DNAJC5B: variants seen among roughly 807,000 people sequenced by gnomAD.
The protein encoded by DNAJC5B is DnaJ heat shock protein family (Hsp40) member C5 beta.
In DNAJC5B, 23 loss-of-function variants were observed where a neutral mutation model predicts 24.7. That is an observed-to-expected ratio of 0.93 (90% CI 0.67 to 1.32). DNAJC5B has a LOEUF of 1.32. Among genes scored for constraint, DNAJC5B ranks in the 40% most tolerant of loss-of-function variants. DNAJC5B has a pLI of 0.00. For missense variants in DNAJC5B, 238 were observed against 240.8 expected, an observed-to-expected ratio of 0.99 and a Z score of 0.08; for synonymous variants, 101 against 90.1, an observed-to-expected ratio of 1.12 and a Z score of -0.68.
Position 66,051,639 on chromosome 8 carries a change from C to A in DNAJC5B, c.92C>A (p.Ser31Ter). 5.6e-6 allele frequency: 9 copies of A among 1,612,568 alleles called. No homozygotes were observed. Among genetic ancestry groups the A allele is most frequent in the Non-Finnish European group, 7.6e-6 (9 of 1,179,544 alleles). The change falls in exon 3 of 6, where the codon TCA (serine) becomes TAA (stop). Residue 31 changes from serine (S) to a stop codon, truncating the protein, a stop_gained. Coordinates refer to ENST00000276570, the MANE Select transcript of DNAJC5B (RefSeq NM_033105.6). LOFTEE classifies it high-confidence loss of function. ...YEILGLHKGASNEEIKKTYRK... is the reference protein window; with the variant it reads ...YEILGLHKGA ...ATTCTTGGTCTGCATAAGGGAGCATCAAATGAAGAAATTAAGAAAACCTAC... is the reference window on the plus strand; with the variant it reads ...ATTCTTGGTCTGCATAAGGGAGCATAAAATGAAGAAATTAAGAAAACCTAC...
At chr8:66,076,061 AT>A (rs773768986) in intron 3 of DNAJC5B, among the ~76,000 whole-genome samples, 224 of 152,314 alleles carry the variant, frequency 1.5e-3, no homozygotes, top group Middle Eastern at 3.4e-3. Context: ...ATTTCTATAG[AT>A]TATTAAGTGG....
At chr8:66,039,323 T>C (rs1006054430) in intron 1 of DNAJC5B, among the ~76,000 whole-genome samples, 1 of 150,918 alleles carries the variant, frequency 6.6e-6, no homozygotes, top group Non-Finnish European at 1.5e-5. Context: ...AGAAAATGAG[T>C]GCATAAAAAC....
At chr8:66,028,275 C>A (rs1042846590) in intron 1 of DNAJC5B, among the ~76,000 whole-genome samples, 4 of 152,188 alleles carry the variant, frequency 2.6e-5, no homozygotes, top group Non-Finnish European at 2.9e-5. Context: ...GCGCTCATGT[C>A]CACTCTACCT....
intron 5 of DNAJC5B, among the ~76,000 whole-genome samples, chr8:66,088,749 T>A (rs1204475237): frequency 2.0e-5 from 3 of 152,100 alleles, no homozygotes; most frequent in Non-Finnish European, 2.9e-5. Context: ...AGTCTCTGCA[T>A]GAGTGACCTT....
At chr8:66,016,402 G>T in the DNAJC5B span, among the ~76,000 whole-genome samples, 3 of 152,102 alleles carry the variant, frequency 2.0e-5, no homozygotes, top group Non-Finnish European at 2.9e-5. Flanking sequence ...ATAAGCGTCC[G>T]GCATTTCCCC....
the DNAJC5B span, among the ~76,000 whole-genome samples, chr8:66,015,402 A>AT: frequency 3.6e-4 from 54 of 149,716 alleles, no homozygotes; most frequent in East Asian, 4.9e-3. Context: ...GTAGTAGATC[A>AT]TTTTTTTTTT....
intron 4 of DNAJC5B, among the ~76,000 whole-genome samples, chr8:66,078,132 G>A (rs1586106110): frequency 6.6e-6 from 1 of 152,256 alleles, no homozygotes; most frequent in Non-Finnish European, 1.5e-5. Context: ...GCACCTCAGG[G>A]CCTGCCTGCA....
chr8:66,080,670 C>T (rs905817854), intron 5 of DNAJC5B, 122 bp downstream of exon 5: 1 of 779,316 alleles, frequency 1.3e-6, no homozygotes, highest in Non-Finnish European at 2.0e-6. Flanking sequence ...GGTGGAACTT[C>T]ACAGACTGTC....
Position 66,100,011 on chromosome 8 carries a change from A to G in DNAJC5B, c.580A>G (p.Ser194Gly), listed in dbSNP as rs1301603065. ...KTQLIKEGSR[S>G]YCTDS ...ACAGCTAATCAAAGAAGGATCTCGA[A>G]GTTATTGCACAGACTCTTGATATTG... is the stretch of plus-strand genomic sequence containing the variant. Residue 194 changes from serine to glycine, a missense_variant, in exon 6 of 6, where the codon AGT (serine) becomes GGT (glycine). Ser to Gly is a moderately conservative substitution (Grantham distance 56). Coordinates refer to ENST00000276570, the MANE Select transcript of DNAJC5B (RefSeq NM_033105.6). The G allele has an allele frequency of 6.2e-7, 1 of 1,613,890 alleles. No homozygotes were observed. Among genetic ancestry groups the G allele is most frequent in the South Asian group, 1.1e-5 (1 of 91,062 alleles).
chr8:66,082,630 T>C (rs1166712589), intron 5 of DNAJC5B, among the ~76,000 whole-genome samples: 2 of 152,200 alleles, frequency 1.3e-5, no homozygotes, highest in Non-Finnish European at 2.9e-5. Flanking sequence ...TGTTTGACTA[T>C]GTTAAGAATT....
chr8:66,096,623 C>T (rs747056331), intron 5 of DNAJC5B, among the ~76,000 whole-genome samples: 2 of 152,108 alleles, frequency 1.3e-5, no homozygotes, highest in Non-Finnish European at 2.9e-5. Flanking sequence ...TATGGAGTCA[C>T]TTCTAGCCCC....
intron 5 of DNAJC5B, among the ~76,000 whole-genome samples, chr8:66,098,811 T>C (rs1808010344): frequency 6.6e-6 from 1 of 152,144 alleles, no homozygotes; most frequent in African/African-American, 2.4e-5. Flanking sequence ...GTTTAAAATT[T>C]TTATGATCTA....
At chr8:66,088,770 C>A (rs1807783922) in intron 5 of DNAJC5B, among the ~76,000 whole-genome samples, 1 of 152,140 alleles carries the variant, frequency 6.6e-6, no homozygotes, top group Non-Finnish European at 1.5e-5. Context: ...TGCTTCAGTT[C>A]CCAACAAGTT....
At chr8:66,039,731 C>T (rs1483265391) in intron 1 of DNAJC5B, among the ~76,000 whole-genome samples, 1 of 152,162 alleles carries the variant, frequency 6.6e-6, no homozygotes, top group Non-Finnish European at 1.5e-5. Context: ...ATCATCACTG[C>T]CTCTTAGTCT....
chr8:66,060,276 G>T (rs1394403462), intron 3 of DNAJC5B, among the ~76,000 whole-genome samples: 1 of 152,170 alleles, frequency 6.6e-6, no homozygotes, highest in South Asian at 2.1e-4. Context: ...TTCCTAAGAT[G>T]CATTCTTTTC....
At chr8:66,017,433 G>C (rs1477168607), upstream of DNAJC5B, among the ~76,000 whole-genome samples, 2 of 152,142 alleles carry the variant, frequency 1.3e-5, no homozygotes, top group Admixed American at 6.6e-5. Flanking sequence ...ACAAACATTA[G>C]CAATATGTTT....
chr8:66,097,465 T>G (rs923232396), intron 5 of DNAJC5B, among the ~76,000 whole-genome samples: 1 of 152,046 alleles, frequency 6.6e-6, no homozygotes, highest in Non-Finnish European at 1.5e-5. Context: ...TTTTCTCAAT[T>G]TTAAGCCTCG....
At chr8:66,079,729 C>CTA (rs1202307289) in intron 4 of DNAJC5B, among the ~76,000 whole-genome samples, 2 of 152,188 alleles carry the variant, frequency 1.3e-5, no homozygotes, top group Admixed American at 6.5e-5. Context: ...AAAGTTCACT[C>CTA]TATCAGCAAT....
chr8:66,086,710 A>G (rs960969747), intron 5 of DNAJC5B, among the ~76,000 whole-genome samples: 1 of 152,132 alleles, frequency 6.6e-6, no homozygotes, highest in African/African-American at 2.4e-5. Flanking sequence ...TATATTAATT[A>G]CCCATCTAAA....
Sources: gnomAD v4.1 joint callset for allele counts (sites outside exome capture counted in the v4.1 genomes callset) on GRCh38, gnomAD v4.1.1 for gene constraint, MANE v1.5 for transcripts, NCBI Gene and HGNC (gene_info 2026-07-23, HGNC 2026-07-21) for gene names.